Variants in MMP16 observed in about 807,000 individuals in gnomAD.
MMP16 encodes the protein matrix metallopeptidase 16.
A neutral mutation model predicts 67.8 loss-of-function variants in MMP16; 12 were observed. The ratio of observed to expected loss-of-function variants is 0.18; its 90% CI spans 0.11 to 0.29. The LOEUF (loss-of-function observed/expected upper bound fraction) is 0.29, where lower values mean the gene tolerates loss of function less well. Ranked by LOEUF, MMP16 falls within the 10% of genes least tolerant of loss-of-function variation. MMP16 has a pLI of 1.00. For missense variants in MMP16, 475 were observed against 765.7 expected (o/e 0.62, Z 4.48); for synonymous variants, 249 against 255.9 (o/e 0.97, Z 0.26).
intron 4 of MMP16, among the ~76,000 whole-genome samples, chr8:88,129,808 T>C (rs1175043056): frequency 1.3e-5 from 2 of 151,584 alleles, no homozygotes; most frequent in African/African-American, 2.4e-5. Flanking sequence ...TTCACATATA[T>C]GTATAAAAAT....
chr8:88,131,470 T>A (rs922491251), intron 4 of MMP16, among the ~76,000 whole-genome samples: 1 of 151,778 alleles, frequency 6.6e-6, no homozygotes, highest in Non-Finnish European at 1.5e-5. Context: ...CAAGAATATA[T>A]TGTCCACTGT....
At chr8:88,249,248 A>T (rs1166226811) in intron 1 of MMP16, among the ~76,000 whole-genome samples, 2 of 152,086 alleles carry the variant, frequency 1.3e-5, no homozygotes, top group African/African-American at 4.8e-5. Flanking sequence ...AACAGAGGGA[A>T]GTTTAAGAGA....
At position 88,263,019 on chromosome 8, in the gene MMP16, G is replaced by A. The variant is rs904152934; in HGVS notation, c.132+64056C>T. Reference sequence around the variant, plus strand: ...CAGCCTGGCGACAGAGCAAGACTCCGTCTCAAATAAATAAATAAATAAATA... The same window carrying A: ...CAGCCTGGCGACAGAGCAAGACTCCATCTCAAATAAATAAATAAATAAATA... On this transcript the variant is annotated intron_variant, in intron 1 of 9. Coordinates refer to ENST00000286614, the MANE Select transcript of MMP16 (RefSeq NM_005941.5). Among the ~76,000 whole-genome samples, 27 of 134,962 alleles carry A rather than the reference G, an allele frequency of 2.0e-4. 1 individual carries two copies. Among genetic ancestry groups the A allele is most frequent in the African/African-American group, 7.9e-4 (25 of 31,756 alleles). 88.5% of individuals were successfully genotyped at this position (134,962 alleles called of 152,430 possible).
chr8:88,149,706 T>C (rs1487555032), intron 4 of MMP16, among the ~76,000 whole-genome samples: 4 of 151,508 alleles, frequency 2.6e-5, no homozygotes, highest in African/African-American at 9.7e-5. Context: ...CAAAAACCCA[T>C]CTGTACATCA....
intron 4 of MMP16, among the ~76,000 whole-genome samples, chr8:88,153,877 A>G (rs1258992202): frequency 1.3e-5 from 2 of 152,018 alleles, no homozygotes; most frequent in Admixed American, 6.6e-5. Context: ...GGATCTAATT[A>G]AACTAAAGAG....
intron 6 of MMP16, among the ~76,000 whole-genome samples, chr8:88,083,798 C>A (rs1272576676): frequency 6.6e-6 from 1 of 151,988 alleles, no homozygotes; most frequent in Non-Finnish European, 1.5e-5. Flanking sequence ...AATTAAATAA[C>A]TGGTTCAAGC....
intron 1 of MMP16, among the ~76,000 whole-genome samples, chr8:88,291,630 C>A (rs1309292241): frequency 6.6e-6 from 1 of 152,070 alleles, no homozygotes. Flanking sequence ...ACCCTCTCTT[C>A]TTGAGTAGAA....
intron 1 of MMP16, among the ~76,000 whole-genome samples, chr8:88,257,279 C>A (rs904039903): frequency 6.6e-6 from 1 of 152,278 alleles, no homozygotes; most frequent in East Asian, 1.9e-4. Context: ...CCTGTGTATA[C>A]ATAATAGTAA....
intron 7 of MMP16, among the ~76,000 whole-genome samples, chr8:88,071,570 A>G (rs532606034): frequency 3.3e-5 from 5 of 152,302 alleles, no homozygotes; most frequent in African/African-American, 9.6e-5. Context: ...TAAATAAAAG[A>G]GCAAATTAAA....
At chr8:88,093,393 C>T (rs1808972426) in intron 6 of MMP16, among the ~76,000 whole-genome samples, 1 of 151,764 alleles carries the variant, frequency 6.6e-6, no homozygotes, top group Non-Finnish European at 1.5e-5. Context: ...CATCGATCAA[C>T]CATAACCAGT....
intron 3 of MMP16, among the ~76,000 whole-genome samples, chr8:88,185,414 G>C (rs1195029114): frequency 6.6e-6 from 1 of 152,132 alleles, no homozygotes; most frequent in Admixed American, 6.5e-5. Flanking sequence ...AGCTGAGATC[G>C]TGCCACTGCA....
intron 7 of MMP16, among the ~76,000 whole-genome samples, chr8:88,064,263 A>G (rs905173958): frequency 6.6e-6 from 1 of 152,188 alleles, no homozygotes; most frequent in Non-Finnish European, 1.5e-5. Context: ...GATTTTCTTC[A>G]TAACACAGAA....
intron 3 of MMP16, among the ~76,000 whole-genome samples, chr8:88,168,935 G>A (rs932519557): frequency 6.6e-6 from 1 of 151,546 alleles, no homozygotes; most frequent in Non-Finnish European, 1.5e-5. Flanking sequence ...CTTGAACTCT[G>A]GCACTCAAGC....
At chr8:88,251,107 T>C (rs1810212949) in intron 1 of MMP16, among the ~76,000 whole-genome samples, 4 of 152,024 alleles carry the variant, frequency 2.6e-5, no homozygotes, top group Non-Finnish European at 5.9e-5. Flanking sequence ...GGACATGAAC[T>C]CATCATTTTT....
At chr8:88,186,324 C>A in intron 3 of MMP16, 152 bp downstream of exon 3, 1 of 969,218 alleles carries the variant, frequency 1.0e-6, no homozygotes. Flanking sequence ...ACAATTTACT[C>A]TCCTCTCAAT....
intron 3 of MMP16, among the ~76,000 whole-genome samples, chr8:88,175,573 GGT>G (rs1808874083): frequency 6.6e-6 from 1 of 151,954 alleles, no homozygotes; most frequent in Non-Finnish European, 1.5e-5. Context: ...CAATTTGTCT[GGT>G]AAATTAAAAG....
At chr8:88,265,811 G>A (rs1810468222) in intron 1 of MMP16, among the ~76,000 whole-genome samples, 1 of 152,164 alleles carries the variant, frequency 6.6e-6, no homozygotes, top group Admixed American at 6.5e-5. Flanking sequence ...TAACTTTTGT[G>A]TAACCTTGCA....
chr8:88,211,473 G>A lies in MMP16; in HGVS notation c.133-14167C>T, dbSNP rs529723004. 1.9e-4 allele frequency among the ~76,000 whole-genome samples: 29 copies of A among 152,244 alleles called. 1 individual carries two copies. In the South Asian group the frequency reaches 6.0e-3, roughly 32 times the overall value. ...GTTTAACCATCAGAGACACAAGCAG[G>A]TGTTGTGATAGGGGTTTGTATGAGT... On this transcript the variant is annotated intron_variant, in intron 1 of 9. Transcript: ENST00000286614.
At chr8:88,050,887 C>T (rs1808261855) in intron 8 of MMP16, among the ~76,000 whole-genome samples, 1 of 152,104 alleles carries the variant, frequency 6.6e-6, no homozygotes, top group African/African-American at 2.4e-5. Context: ...TCATAGGATT[C>T]AGAGAGATCT....
Sources: allele counts gnomAD v4.1 joint callset (sites outside exome capture counted in the v4.1 genomes callset), GRCh38; gene constraint gnomAD v4.1.1; transcripts MANE v1.5; gene names NCBI Gene and HGNC (gene_info 2026-07-23, HGNC 2026-07-21).